NAV2: variants seen among roughly 807,000 people sequenced by gnomAD.
The protein encoded by NAV2 is neuron navigator 2.
NAV2 carries 54 observed loss-of-function variants against 223.2 expected under a neutral mutation model. The ratio of observed to expected loss-of-function variants is 0.24; its 90% CI spans 0.19 to 0.30. The LOEUF is 0.30. Among genes scored for constraint, NAV2 ranks in the 10% least tolerant of loss-of-function variants. NAV2 has a pLI of 1.00. For missense variants in NAV2, 2,806 were observed against 3,147.5 expected (o/e 0.89, Z 2.60); for synonymous variants, 1,279 against 1,239.3 (o/e 1.03, Z -0.67).
intron 1 of NAV2, among the ~76,000 whole-genome samples, chr11:19,512,045 C>T (rs1226091824): frequency 1.3e-5 from 2 of 152,128 alleles, no homozygotes; most frequent in Non-Finnish European, 2.9e-5. Flanking sequence ...CTTTTGTACC[C>T]CAGCCCAGTC....
chr11:19,672,539 A>G (rs1039084765), intron 1 of NAV2, among the ~76,000 whole-genome samples: 2 of 152,180 alleles, frequency 1.3e-5, no homozygotes, highest in African/African-American at 2.4e-5. Flanking sequence ...TCTTGGGGGT[A>G]TCCTCAGGAG....
chr11:19,487,084 C>T lies in NAV2; in HGVS notation c.75+136057C>T, dbSNP rs191631583. On this transcript the variant is annotated intron_variant, in intron 1 of 37. Coordinates refer to the NAV2 transcript ENST00000360655. ...ACATTACCTGGGTAAGTGGCTTTCC[C>T]TCACTGGGCCTCTTTATCTAGAAAA... is the stretch of plus-strand genomic sequence containing the variant. Among the ~76,000 whole-genome samples, 109 of 152,302 alleles carry T rather than the reference C, an allele frequency of 7.2e-4. 2 individuals are homozygous for T. The East Asian group carries it at 0.019, about 27-fold the overall frequency.
At chr11:19,950,889 TG>T (rs1793206901) in intron 10 of NAV2, among the ~76,000 whole-genome samples, 1 of 151,980 alleles carries the variant, frequency 6.6e-6, no homozygotes, top group South Asian at 2.1e-4. Context: ...GAAATATGAT[TG>T]GGCAAAAAAG....
chr11:19,531,479 GA>G (rs1311738307), intron 1 of NAV2, among the ~76,000 whole-genome samples: 3 of 152,152 alleles, frequency 2.0e-5, no homozygotes, highest in African/African-American at 7.2e-5. Context: ...AGATTGGTAG[GA>G]AATGATTGGA....
At chr11:20,002,481 T>C (rs2052646008) in intron 11 of NAV2, among the ~76,000 whole-genome samples, 2 of 152,090 alleles carry the variant, frequency 1.3e-5, no homozygotes, top group African/African-American at 4.8e-5. Context: ...AAGAGCACTG[T>C]AGCATGGGTC....
chr11:19,895,064 A>G (rs1461347205), intron 6 of NAV2, among the ~76,000 whole-genome samples: 3 of 150,280 alleles, frequency 2.0e-5, no homozygotes, highest in Admixed American at 6.6e-5. Context: ...ATTATATGCC[A>G]GGAACTTTGA....
At chr11:20,022,952 A>AT (rs544239177) in intron 11 of NAV2, 507 of 1,321,950 alleles carry the variant, frequency 3.8e-4, no homozygotes, top group Non-Finnish European at 4.9e-4. Flanking sequence ...GGGAATGGTG[A>AT]TCCCTGCTAG....
At chr11:20,073,898 G>A (rs1242456620) in intron 22 of NAV2, among the ~76,000 whole-genome samples, 1 of 152,108 alleles carries the variant, frequency 6.6e-6, no homozygotes, top group Admixed American at 6.6e-5. Context: ...TGGATTCACT[G>A]ATTTTTTGAA....
chr11:19,460,369 T>C (rs1032521043), intron 1 of NAV2, among the ~76,000 whole-genome samples: 1 of 152,150 alleles, frequency 6.6e-6, no homozygotes, highest in African/African-American at 2.4e-5. Flanking sequence ...GAGCCTCTTT[T>C]CACATTTGAA....
Position 19,939,654 on chromosome 11 carries a change from T to C in NAV2, c.2034-7T>C. The stretch of plus-strand genomic sequence containing the variant: ...ACAAGTGTGTCTGCTTCGGTTTGTG[T>C]GTGAAGGTCTCAGACGGACACTGAA... On this transcript the variant is annotated splice_region_variant and splice_polypyrimidine_tract_variant and intron_variant, in intron 7 of 37. Transcript: ENST00000349880. 6.2e-7 allele frequency: 1 copy of C among 1,612,720 alleles called. No homozygotes were observed. Among genetic ancestry groups the C allele is most frequent in the Non-Finnish European group, 8.5e-7 (1 of 1,178,806 alleles).
chr11:19,348,691 G>A (rs1201002738), upstream of NAV2, among the ~76,000 whole-genome samples: 1 of 152,196 alleles, frequency 6.6e-6, no homozygotes. Flanking sequence ...GTACATGTTA[G>A]CAATTATCAT....
intron 1 of NAV2, among the ~76,000 whole-genome samples, chr11:19,631,872 C>A (rs550660653): frequency 3.3e-5 from 5 of 152,214 alleles, no homozygotes; most frequent in Admixed American, 1.3e-4. Context: ...AATTAGCCAT[C>A]GTCTTCCCAG....
At chr11:19,377,256 C>T (rs985865255) in intron 1 of NAV2, among the ~76,000 whole-genome samples, 1 of 152,188 alleles carries the variant, frequency 6.6e-6, no homozygotes, top group East Asian at 1.9e-4. Context: ...TGGAAGGGTG[C>T]TATCTATGTC....
intron 37 of NAV2, among the ~76,000 whole-genome samples, chr11:20,115,783 C>T (rs186092644): frequency 0.016 from 2,457 of 151,708 alleles, 32 homozygotes; most frequent in Non-Finnish European, 0.025. Context: ...CATGGTGGCA[C>T]ATGCCTATAG....
At chr11:20,098,269 A>G (rs187571441) in intron 31 of NAV2, among the ~76,000 whole-genome samples, 5 of 151,508 alleles carry the variant, frequency 3.3e-5, no homozygotes, top group Admixed American at 2.6e-4. Flanking sequence ...TTCACTGAGG[A>G]AAAAAAAAGC....
intron 1 of NAV2, among the ~76,000 whole-genome samples, chr11:19,729,488 T>C (rs928947049): frequency 3.3e-5 from 5 of 152,208 alleles, no homozygotes; most frequent in Admixed American, 3.3e-4. Flanking sequence ...CATGTGTCTC[T>C]TTGTCCTCTC....
chr11:19,668,509 G>A (rs1041438878), intron 1 of NAV2, among the ~76,000 whole-genome samples: 3 of 111,782 alleles, frequency 2.7e-5, no homozygotes, highest in African/African-American at 5.8e-5. Flanking sequence ...CTCTAGCCTG[G>A]GCAACAGAAT....
chr11:19,727,284 C>T (rs7946373), intron 1 of NAV2, among the ~76,000 whole-genome samples: 12,818 of 152,240 alleles, frequency 0.084, 603 homozygotes, highest in Non-Finnish European at 0.098. Flanking sequence ...TAGTTCCATC[C>T]AGCCCGTCTC....
chr11:19,400,257 A>T (rs546687085), intron 1 of NAV2, among the ~76,000 whole-genome samples: 1 of 152,288 alleles, frequency 6.6e-6, no homozygotes, highest in South Asian at 2.1e-4. Flanking sequence ...AGTCACAAGG[A>T]AGAGGAAGAT....
Sources: allele counts gnomAD v4.1 joint callset (sites outside exome capture counted in the v4.1 genomes callset), GRCh38; gene constraint gnomAD v4.1.1; transcripts MANE v1.5; gene names NCBI Gene and HGNC (gene_info 2026-07-23, HGNC 2026-07-21).